The following SLC26A8 variants were observed in gnomAD, a reference collection of about 807,000 sequenced individuals.
SLC26A8 encodes testis anion transporter 1.
In SLC26A8, 70 loss-of-function variants were observed where a neutral mutation model predicts 105.0. That is an observed-to-expected ratio of 0.67 (90% CI 0.55 to 0.81). SLC26A8 has a LOEUF of 0.81. Among genes scored for constraint, SLC26A8 ranks in the 40% least tolerant of loss-of-function variants. SLC26A8 has a pLI of 0.00. For synonymous variants in SLC26A8, 415 were observed against 438.3 expected, an observed-to-expected ratio of 0.95 and a Z score of 0.66; for missense variants, 998 against 1,181.8, an observed-to-expected ratio of 0.84 and a Z score of 2.28.
intron 4 of SLC26A8, among the ~76,000 whole-genome samples, chr6:35,998,657 A>AT (rs142374755): frequency 0.12 from 18,222 of 152,028 alleles, 1,103 homozygotes; most frequent in Middle Eastern, 0.15. Flanking sequence ...TATTTCAAAC[A>AT]TTGTTTTGTT....
intron 7 of SLC26A8, 92 bp from the exon 8 acceptor site, chr6:35,982,295 C>G (rs1039523239): frequency 1.4e-5 from 18 of 1,266,288 alleles, no homozygotes; most frequent in Non-Finnish European, 2.0e-5. Context: ...TTGCCTCTGG[C>G]AGGACAGAAA....
intron 16 of SLC26A8, among the ~76,000 whole-genome samples, chr6:35,958,846 G>C (rs1581631841): frequency 6.6e-6 from 1 of 152,274 alleles, no homozygotes; most frequent in Middle Eastern, 3.4e-3. Flanking sequence ...TCCTGCTCTG[G>C]GGGAAGGGAC....
intron 3 of SLC26A8, among the ~76,000 whole-genome samples, chr6:36,011,860 T>C (rs1761866605): frequency 6.6e-6 from 1 of 152,176 alleles, no homozygotes; most frequent in African/African-American, 2.4e-5. Context: ...CTGTCTGCCT[T>C]GGCCTCCCAA....
chr6:35,987,423 G>A (rs1050804741), intron 7 of SLC26A8, among the ~76,000 whole-genome samples: 2 of 152,076 alleles, frequency 1.3e-5, no homozygotes, highest in Admixed American at 6.6e-5. Context: ...CCAGGCTGGA[G>A]TGCAGTGGCA....
intron 2 of SLC26A8, among the ~76,000 whole-genome samples, chr6:36,018,099 C>T (rs577496856): frequency 1.3e-4 from 20 of 152,324 alleles, no homozygotes; most frequent in Admixed American, 1.2e-3. Flanking sequence ...GGTGCAGCTA[C>T]TGTGGAAAAC....
chr6:35,982,739 G>A (rs1466703350), intron 7 of SLC26A8, among the ~76,000 whole-genome samples: 1 of 152,118 alleles, frequency 6.6e-6, no homozygotes, highest in East Asian at 1.9e-4. Flanking sequence ...TTAGTTCCAG[G>A]TACATTGTAG....
chr6:35,975,562 G>T (rs553134700), intron 9 of SLC26A8, 74 bp from the exon 10 acceptor site: 44 of 609,774 alleles, frequency 7.2e-5, no homozygotes, highest in South Asian at 2.2e-4. Context: ...AAGGCATATG[G>T]TTTTTTTTTT....
At chr6:36,003,328 A>G (rs929776310) in intron 3 of SLC26A8, among the ~76,000 whole-genome samples, 4 of 152,230 alleles carry the variant, frequency 2.6e-5, no homozygotes, top group African/African-American at 9.6e-5. Context: ...GTAGTGACAT[A>G]TCTGATACAC....
At chr6:35,950,186 A>T (rs1771817892) in intron 19 of SLC26A8, among the ~76,000 whole-genome samples, 1 of 152,142 alleles carries the variant, frequency 6.6e-6, no homozygotes, top group Admixed American at 6.5e-5. Context: ...AGATAATATT[A>T]GATAATATTT....
intron 10 of SLC26A8, among the ~76,000 whole-genome samples, chr6:35,973,168 A>G (rs1262687586): frequency 6.6e-6 from 1 of 152,214 alleles, no homozygotes; most frequent in Non-Finnish European, 1.5e-5. Context: ...ATGCTTATAT[A>G]CTGAATAAAC....
intron 2 of SLC26A8, among the ~76,000 whole-genome samples, chr6:36,019,181 CTCCTGAAGTGCTGGGA>C (rs1342290855): frequency 1.3e-5 from 2 of 152,140 alleles, no homozygotes; most frequent in Non-Finnish European, 2.9e-5. Context: ...CTGCCTTGGC[CTCCTGAAGTGCTGGGA>C]TTACGGGCGT....
At chr6:35,984,842 A>G (rs1044390079) in intron 7 of SLC26A8, among the ~76,000 whole-genome samples, 5 of 152,136 alleles carry the variant, frequency 3.3e-5, no homozygotes, top group Admixed American at 2.6e-4. Context: ...ACCTGAAAAA[A>G]CTAGTTCAGG....
At chr6:35,956,477 C>CTGCTG (rs1416657263) in intron 16 of SLC26A8, among the ~76,000 whole-genome samples, 7 of 151,288 alleles carry the variant, frequency 4.6e-5, no homozygotes, top group African/African-American at 1.5e-4. Context: ...GTCTTTACCA[C>CTGCTG]TGCTGTCAAC....
At position 35,986,231 on chromosome 6, in the gene SLC26A8, T is replaced by G. The variant is rs1471189317; in HGVS notation, c.943-4028A>C. Among the ~76,000 whole-genome samples the G allele has an allele frequency of 1.3e-5, 2 of 151,908 alleles. 1 individual carries two copies. Reference sequence around the variant, plus strand: ...GTGTTTTTAGTAGAAACAGAGTTTCTCCCTGTTGGCCAGGCTGGTATCGAA... The same window carrying G: ...GTGTTTTTAGTAGAAACAGAGTTTCGCCCTGTTGGCCAGGCTGGTATCGAA... On this transcript the variant is annotated intron_variant, in intron 7 of 19. Coordinates refer to ENST00000490799, the MANE Select transcript of SLC26A8 (RefSeq NM_052961.4).
chr6:35,953,532 C>T (rs917532286), intron 17 of SLC26A8, among the ~76,000 whole-genome samples: 1 of 152,192 alleles, frequency 6.6e-6, no homozygotes, highest in African/African-American at 2.4e-5. Context: ...AGTAGACACT[C>T]AGCAACGTGG....
chr6:35,999,664 T>C (rs191307499), intron 4 of SLC26A8, among the ~76,000 whole-genome samples: 8 of 152,312 alleles, frequency 5.3e-5, no homozygotes, highest in African/African-American at 1.9e-4. Context: ...GAAAGAAGTA[T>C]CTGCTCTAGG....
At chr6:36,004,639 T>C (rs1761631008) in intron 3 of SLC26A8, among the ~76,000 whole-genome samples, 1 of 150,330 alleles carries the variant, frequency 6.7e-6, no homozygotes, top group Admixed American at 6.7e-5. Context: ...TGTTGTAATG[T>C]TGAATAGCCC....
chr6:35,951,101 A>ACCC, intron 19 of SLC26A8, 62 bp downstream of exon 19: 1 of 1,072,406 alleles, frequency 9.3e-7, no homozygotes, highest in Non-Finnish European at 1.3e-6. Flanking sequence ...ACCACCCCTC[A>ACCC]CCCATCCCCC....
intron 1 of SLC26A8, among the ~76,000 whole-genome samples, chr6:36,020,665 A>G (rs1013382335): frequency 2.0e-5 from 3 of 152,170 alleles, no homozygotes; most frequent in Admixed American, 6.5e-5. Context: ...AAAAGATTGA[A>G]AAGATAGAGT....
Sources: allele counts gnomAD v4.1 joint callset (sites outside exome capture counted in the v4.1 genomes callset), GRCh38; gene constraint gnomAD v4.1.1; transcripts MANE v1.5; gene names NCBI Gene and HGNC (gene_info 2026-07-23, HGNC 2026-07-21).